Variants in ASIC2 observed in about 807,000 individuals in gnomAD.
ASIC2 encodes acid-sensing ion channel 2.
Under a neutral mutation model 57.3 loss-of-function variants are expected in ASIC2, and 25 were observed. The observed-to-expected ratio is 0.44, with a 90% CI of 0.32 to 0.61. The LOEUF (loss-of-function observed/expected upper bound fraction) is 0.61. Among genes scored for constraint, ASIC2 ranks in the 20% least tolerant of loss-of-function variants. ASIC2 has a pLI of 0.06. For missense variants in ASIC2, 641 were observed against 738.1 expected, an observed-to-expected ratio of 0.87 and a Z score of 1.52; for synonymous variants, 319 against 307.5, an observed-to-expected ratio of 1.04 and a Z score of -0.39.
chr17:33,315,363 G>T (rs1227076708), intron 1 of ASIC2, among the ~76,000 whole-genome samples: 2 of 152,176 alleles, frequency 1.3e-5, no homozygotes, highest in African/African-American at 2.4e-5. Context: ...TCAGAATAAA[G>T]ACATGAAAGA....
At chr17:34,073,356 C>T (rs1909497906) in intron 1 of ASIC2, among the ~76,000 whole-genome samples, 1 of 152,160 alleles carries the variant, frequency 6.6e-6, no homozygotes, top group African/African-American at 2.4e-5. Context: ...AGATATAGCC[C>T]ACAAGCTATA....
At chr17:33,650,341 G>A (rs1906879352) in intron 1 of ASIC2, among the ~76,000 whole-genome samples, 1 of 151,992 alleles carries the variant, frequency 6.6e-6, no homozygotes, top group African/African-American at 2.4e-5. Context: ...TCCAAATGCT[G>A]ACGAGGATGG....
intron 1 of ASIC2, among the ~76,000 whole-genome samples, chr17:33,347,030 C>G (rs1907975931): frequency 6.6e-6 from 1 of 152,040 alleles, no homozygotes; most frequent in East Asian, 1.9e-4. Flanking sequence ...GTGCTTCATA[C>G]AGATGATTTG....
intron 1 of ASIC2, among the ~76,000 whole-genome samples, chr17:33,943,010 C>T (rs1260642465): frequency 1.3e-5 from 2 of 152,152 alleles, no homozygotes; most frequent in Non-Finnish European, 2.9e-5. Context: ...CTTTTATCTT[C>T]CAAACAAAAT....
At chr17:33,087,344 T>A (rs2092138275) in intron 3 of ASIC2, among the ~76,000 whole-genome samples, 1 of 152,076 alleles carries the variant, frequency 6.6e-6, no homozygotes, top group African/African-American at 2.4e-5. Context: ...TCTGCTTGCA[T>A]CACTTGTCTC....
At chr17:33,408,660 C>T (rs1041889833) in intron 1 of ASIC2, among the ~76,000 whole-genome samples, 1 of 152,216 alleles carries the variant, frequency 6.6e-6, no homozygotes, top group Non-Finnish European at 1.5e-5. Flanking sequence ...ATCCTCCACT[C>T]CCTGGATGAA....
intron 1 of ASIC2, among the ~76,000 whole-genome samples, chr17:33,708,384 T>C (rs898824341): frequency 6.6e-6 from 1 of 151,536 alleles, no homozygotes; most frequent in Non-Finnish European, 1.5e-5. Context: ...GATATTTCTC[T>C]GTTTTTTTTC....
intron 1 of ASIC2, among the ~76,000 whole-genome samples, chr17:33,330,588 G>T (rs1380030775): frequency 6.6e-6 from 1 of 152,126 alleles, no homozygotes; most frequent in Non-Finnish European, 1.5e-5. Flanking sequence ...TCCTAAATAA[G>T]AGGCTAAGCC....
At chr17:33,727,840 G>A (rs1287403961) in intron 1 of ASIC2, among the ~76,000 whole-genome samples, 1 of 152,190 alleles carries the variant, frequency 6.6e-6, no homozygotes, top group Non-Finnish European at 1.5e-5. Context: ...CTTTGGAGAA[G>A]GAAACTTCTT....
At chr17:33,838,236 G>A (rs1913329633) in intron 1 of ASIC2, among the ~76,000 whole-genome samples, 1 of 152,142 alleles carries the variant, frequency 6.6e-6, no homozygotes, top group African/African-American at 2.4e-5. Context: ...ATTAAACTGA[G>A]TTAGGTTGAA....
At chr17:33,358,567 C>T (rs968548818) in intron 1 of ASIC2, among the ~76,000 whole-genome samples, 2 of 152,040 alleles carry the variant, frequency 1.3e-5, no homozygotes, top group African/African-American at 4.8e-5. Flanking sequence ...GATGAGTGCA[C>T]AATACATAAG....
At chr17:33,765,913 G>C (rs1371568050) in intron 1 of ASIC2, among the ~76,000 whole-genome samples, 1 of 152,188 alleles carries the variant, frequency 6.6e-6, no homozygotes, top group Admixed American at 6.5e-5. Context: ...AGTATCTTAT[G>C]ACCTTTCCAC....
At chr17:33,272,202 C>T (rs1198118755) in intron 1 of ASIC2, among the ~76,000 whole-genome samples, 1 of 152,216 alleles carries the variant, frequency 6.6e-6, no homozygotes, top group African/African-American at 2.4e-5. Flanking sequence ...TCTGTCTATC[C>T]TATCATCCTA....
intron 1 of ASIC2, among the ~76,000 whole-genome samples, chr17:33,328,749 G>A (rs1477921917): frequency 2.0e-5 from 3 of 151,980 alleles, no homozygotes; most frequent in Admixed American, 6.6e-5. Context: ...TAAAACCCTC[G>A]TCTCCATTTT....
At chr17:33,922,323 C>G (rs983532053) in intron 1 of ASIC2, among the ~76,000 whole-genome samples, 14 of 152,004 alleles carry the variant, frequency 9.2e-5, no homozygotes, top group Non-Finnish European at 1.9e-4. Flanking sequence ...TTCCTTCCTT[C>G]CTTTTCTTTT....
chr17:33,167,813 A>G (rs1200021274), intron 1 of ASIC2, among the ~76,000 whole-genome samples: 1 of 146,936 alleles, frequency 6.8e-6, no homozygotes, highest in Non-Finnish European at 1.6e-5. Flanking sequence ...TATTTGCTTA[A>G]GGCCAACCCA....
At chr17:33,478,165 G>A (rs540950753) in intron 1 of ASIC2, among the ~76,000 whole-genome samples, 1 of 152,314 alleles carries the variant, frequency 6.6e-6, no homozygotes, top group African/African-American at 2.4e-5. Context: ...AGCACCAATG[G>A]CGGAGAGCTA....
At chr17:33,746,035 A>G (rs1910248764) in intron 1 of ASIC2, among the ~76,000 whole-genome samples, 1 of 152,070 alleles carries the variant, frequency 6.6e-6, no homozygotes, top group Admixed American at 6.5e-5. Flanking sequence ...CCACACAGAA[A>G]AGGTAGACAG....
chr17:33,029,806 C>T (rs1390504317), intron 3 of ASIC2, among the ~76,000 whole-genome samples: 1 of 152,204 alleles, frequency 6.6e-6, no homozygotes, highest in African/African-American at 2.4e-5. Context: ...ACTTCGTCCA[C>T]CTTTTTGATT....
Sources: allele counts gnomAD v4.1 joint callset (sites outside exome capture counted in the v4.1 genomes callset), GRCh38; gene constraint gnomAD v4.1.1; transcripts MANE v1.5; gene names NCBI Gene and HGNC (gene_info 2026-07-23, HGNC 2026-07-21).